KIR3DL2: variants seen among roughly 807,000 people sequenced by gnomAD.
KIR3DL2 encodes killer cell immunoglobulin-like receptor 3DL2.
KIR3DL2 carries 42 observed loss-of-function variants against 41.6 expected under a neutral mutation model. The ratio of observed to expected loss-of-function variants is 1.01; its 90% CI spans 0.79 to 1.31. The LOEUF (loss-of-function observed/expected upper bound fraction) is 1.31. Among genes scored for constraint, KIR3DL2 ranks in the 50% most tolerant of loss-of-function variants. KIR3DL2 has a pLI of 0.00. For synonymous variants in KIR3DL2, 230 were observed against 221.3 expected (o/e 1.04, Z -0.35); for missense variants, 728 against 576.8 (o/e 1.26, Z -2.68).
Position 54,851,953 on chromosome 19 carries a change from G to GCACA in KIR3DL2, c.71-45_71-44insCACA, listed in dbSNP as rs746439335. ...CTTCTGAGCACAGGGAGGGAGGGGT[G>GCACA]GCTCCACATCCTCCTCTCTAAGGCA... is the stretch of plus-strand genomic sequence containing the variant. On this transcript the variant is annotated intron_variant, in intron 2 of 8. Transcript: ENST00000326321. 13 of 1,594,102 alleles carry GCACA rather than the reference G, an allele frequency of 8.2e-6. No homozygotes were observed. In the African/African-American group the frequency reaches 1.6e-4, roughly 20 times the overall value.
chr19:54,865,852 T>A lies in KIR3DL2; in HGVS notation c.1048T>A (p.Phe350Ile), dbSNP rs2915986. 5 of 1,572,652 alleles carry A rather than the reference T, an allele frequency of 3.2e-6. No homozygotes were observed. The highest frequency in any genetic ancestry group is 3.5e-6 in the Non-Finnish European group (4 of 1,149,354). The change falls in exon 7 of 9, where the codon TTC (phenylalanine) becomes ATC (isoleucine). Residue 350 changes from phenylalanine to isoleucine, a missense_variant. Transcript: ENST00000326321. ...HVLIGTSVVI[F>I]LFILLLFFLL... ...TCTGATTGGGACCTCAGTGGTCATC[T>A]TCCTCTTCATCCTCCTCCTCTTCTT... is the stretch of plus-strand genomic sequence containing the variant.
intron 5 of KIR3DL2, among the ~76,000 whole-genome samples, chr19:54,857,613 G>A (rs2064885049): frequency 6.6e-6 from 1 of 151,540 alleles, no homozygotes; most frequent in Non-Finnish European, 1.5e-5. Flanking sequence ...GTGCAAGGGT[G>A]TGATCTCGGC....
At position 54,865,902 on chromosome 19, in the gene KIR3DL2, C is replaced by T. The variant is rs553210593; in HGVS notation, c.1098C>T (p.Asn366=). The change falls in exon 7 of 9, where the codon AAC becomes AAT. Residue 366 remains asparagine (N), a synonymous_variant. Transcript: ENST00000326321. The part of the protein sequence containing the change: ...LFFLLYRWCS[N]KKNAAVMDQE... ...TTCTCCTTTATCGCTGGTGCTCCAA[C>T]AAAAAGAGTAAGTCTCACGAAGCAG... The T allele has an allele frequency of 2.5e-6, 4 of 1,595,722 alleles. No individual in the cohort carries two copies. Among genetic ancestry groups the T allele is most frequent in the Non-Finnish European group, 3.4e-6 (4 of 1,163,794 alleles).
At chr19:54,863,299 A>C (rs2065306111) in intron 6 of KIR3DL2, among the ~76,000 whole-genome samples, 1 of 151,948 alleles carries the variant, frequency 6.6e-6, no homozygotes, top group African/African-American at 2.4e-5. Context: ...TATTGTGAAT[A>C]GTGCCACAAT....
chr19:54,854,017 C>T lies in KIR3DL2; in HGVS notation c.626C>T (p.Pro209Leu), dbSNP rs2064527413. 1.2e-6 allele frequency: 2 copies of T among 1,612,946 alleles called. No homozygotes were observed. The highest frequency in any genetic ancestry group is 8.5e-7 in the Non-Finnish European group (1 of 1,179,676). ...VPHSPYQLSAPSDPLDIVITG... is the reference protein window; with the variant it reads ...VPHSPYQLSALSDPLDIVITG... ...CACTCCCCCTATCAGTTGTCAGCTCCCAGTGACCCCCTGGACATCGTGATC... is the reference window on the plus strand; with the variant it reads ...CACTCCCCCTATCAGTTGTCAGCTCTCAGTGACCCCCTGGACATCGTGATC... The change falls in exon 4 of 9, where the codon CCC (proline) becomes CTC (leucine). Residue 209 changes from proline (P) to leucine (L), a missense_variant. Pro to Leu is a moderately conservative substitution (Grantham distance 98). Transcript: ENST00000326321.
intron 5 of KIR3DL2, among the ~76,000 whole-genome samples, chr19:54,856,405 G>A (rs1269153094): frequency 1.3e-5 from 2 of 151,718 alleles, no homozygotes; most frequent in African/African-American, 4.9e-5. Flanking sequence ...TATATGCTGG[G>A]TGTGGTGGTT....
rs1260194589 is a variant in KIR3DL2 at position 54,851,937 on chromosome 19, A to T, written c.71-61A>T. On this transcript the variant is annotated intron_variant, in intron 2 of 8. Transcript: ENST00000326321. ...GCGGAAATGGGAGAATCTTCTGAGCACAGGGAGGGAGGGGTGGCTCCACAT... is the reference window on the plus strand; with the variant it reads ...GCGGAAATGGGAGAATCTTCTGAGCTCAGGGAGGGAGGGGTGGCTCCACAT... The T allele has an allele frequency of 3.8e-6, 6 of 1,581,876 alleles. No individual in the cohort carries two copies. In the East Asian group the frequency reaches 1.4e-4, roughly 37 times the overall value.
At position 54,855,931 on chromosome 19, in the gene KIR3DL2, T is replaced by G; in HGVS notation, c.949+19T>G. The stretch of plus-strand genomic sequence containing the variant: ...GTCACAGGTGAGGAAAACCCGTGTC[T>G]GTCCCATGTCTTATGATCCTAGAGC... On this transcript the variant is annotated intron_variant, in intron 5 of 8. Transcript: ENST00000326321. 1 of 1,612,736 alleles carries G rather than the reference T, an allele frequency of 6.2e-7. No individual in the cohort carries two copies. The highest frequency in any genetic ancestry group is 8.5e-7 in the Non-Finnish European group (1 of 1,179,456).
Position 54,866,439 on chromosome 19 carries a change from C to G in KIR3DL2, c.1158+17C>G. ...AATAGGCAGGTAGGTCCTCCTCGGCCCAGCCTCACGGATACAGTCTTATCC... is the reference window on the plus strand; with the variant it reads ...AATAGGCAGGTAGGTCCTCCTCGGCGCAGCCTCACGGATACAGTCTTATCC... On this transcript the variant is annotated intron_variant, in intron 8 of 8. Transcript: ENST00000326321. The G allele has an allele frequency of 6.2e-7, 1 of 1,613,976 alleles. No homozygotes were observed.
In KIR3DL2 at chr19:54,851,258, G is replaced by C. The variant is rs778339129; in HGVS notation, c.70+3G>C. 1.9e-6 allele frequency: 3 copies of C among 1,608,624 alleles called. No homozygotes were observed. Among genetic ancestry groups the C allele is most frequent in the Non-Finnish European group, 2.5e-6 (3 of 1,177,570 alleles). On this transcript the variant is annotated splice_donor_region_variant and intron_variant, in intron 2 of 8. Transcript: ENST00000326321. Reference sequence around the variant, plus strand: ...GCAGGGGGCCTGGCCACTCATGGGTGAGTCCGTCCCCAAACCTTAGGGTGT... The same window carrying C: ...GCAGGGGGCCTGGCCACTCATGGGTCAGTCCGTCCCCAAACCTTAGGGTGT...
intron 5 of KIR3DL2, among the ~76,000 whole-genome samples, chr19:54,857,551 AT>A (rs2145644453): frequency 6.7e-6 from 1 of 149,960 alleles, no homozygotes; most frequent in East Asian, 2.0e-4. Flanking sequence ...TACTTTATTT[AT>A]TTATTTATTT....
rs578105082 is a variant in KIR3DL2 at position 54,862,653 on chromosome 19, G to A, written c.1001-3152G>A. ...GTTTTGTACCCTGAAGCCACAGGAAGCACTCAGCTAAAGCACTGCATGACG... is the reference window on the plus strand; with the variant it reads ...GTTTTGTACCCTGAAGCCACAGGAAACACTCAGCTAAAGCACTGCATGACG... On this transcript the variant is annotated intron_variant, in intron 6 of 8. Coordinates refer to ENST00000326321, the MANE Select transcript of KIR3DL2 (RefSeq NM_006737.4). Among the ~76,000 whole-genome samples the A allele has an allele frequency of 3.3e-5, 5 of 152,110 alleles. No individual in the cohort carries two copies. In the South Asian group the frequency reaches 8.3e-4, roughly 25 times the overall value.
chr19:54,855,722 C>A lies in KIR3DL2; in HGVS notation c.759C>A (p.Tyr253Ter). ...GCTCCTGGAGCTCCTATGACATCTA[C>A]CATCTGTCCAGGGAAGGGGAGGCCC... ...SCSSWSSYDI[Y>*]HLSREGEAHE... Residue 253 changes from tyrosine to a stop codon, truncating the protein, a stop_gained, in exon 5 of 9, where the codon TAC (tyrosine) becomes TAA (stop). Transcript: ENST00000326321. LOFTEE classifies it high-confidence loss of function. The A allele has an allele frequency of 6.2e-7, 1 of 1,613,570 alleles. No individual in the cohort carries two copies. Among genetic ancestry groups the A allele is most frequent in the Non-Finnish European group, 8.5e-7 (1 of 1,179,958 alleles).
At chr19:54,859,470 CTGA>C (rs1426953399) in intron 6 of KIR3DL2, among the ~76,000 whole-genome samples, 1 of 150,928 alleles carries the variant, frequency 6.6e-6, no homozygotes, top group Non-Finnish European at 1.5e-5. Flanking sequence ...AAGGGAACAT[CTGA>C]TGAGGGTGGG....
At chr19:54,855,084 T>C (rs1417280250) in intron 4 of KIR3DL2, among the ~76,000 whole-genome samples, 19 of 150,564 alleles carry the variant, frequency 1.3e-4, no homozygotes, top group Admixed American at 4.6e-4. Flanking sequence ...GACACATATA[T>C]AAATATATAG....
intron 1 of KIR3DL2, 77 bp from the exon 2 acceptor site, chr19:54,851,143 A>G: frequency 6.4e-7 from 1 of 1,565,772 alleles, no homozygotes; most frequent in Non-Finnish European, 8.8e-7. Flanking sequence ...GGCTGCCAAG[A>G]CACACAGTGC....
intron 4 of KIR3DL2, 47 bp from the exon 5 acceptor site, chr19:54,855,572 G>A (rs1601760589): frequency 1.1e-5 from 18 of 1,599,286 alleles, no homozygotes; most frequent in Middle Eastern, 1.7e-4. Flanking sequence ...GAGGGGAGCT[G>A]TGACAAGGAA....
chr19:54,853,626 C>A (rs1260839414), intron 3 of KIR3DL2, 121 bp from the exon 4 acceptor site: 2 of 1,161,602 alleles, frequency 1.7e-6, no homozygotes, highest in Admixed American at 2.1e-5. Flanking sequence ...AGAAAAGACA[C>A]GGAGACACAG....
intron 2 of KIR3DL2, 56 bp from the exon 3 acceptor site, chr19:54,851,938 CAGGG>C: frequency 6.3e-7 from 1 of 1,582,966 alleles, no homozygotes; most frequent in Non-Finnish European, 8.6e-7. Context: ...CTTCTGAGCA[CAGGG>C]AGGGAGGGGT....
Sources: gnomAD v4.1 joint callset for allele counts (sites outside exome capture counted in the v4.1 genomes callset) on GRCh38, gnomAD v4.1.1 for gene constraint, MANE v1.5 for transcripts, NCBI Gene and HGNC (gene_info 2026-07-23, HGNC 2026-07-21) for gene names.